Variants in PPL observed in about 807,000 individuals in gnomAD.
PPL encodes 190 kDa paraneoplastic pemphigus antigen.
PPL carries 198 observed loss-of-function variants against 194.4 expected under a neutral mutation model. That is an observed-to-expected ratio of 1.02 (90% CI 0.91 to 1.15). PPL has a LOEUF of 1.15. PPL is among the 50% of genes most tolerant of loss of function. The pLI is 0.00. For synonymous variants in PPL, 1,220 were observed against 972.4 expected (o/e 1.25, Z -4.74); for missense variants, 2,885 against 2,294.8 (o/e 1.26, Z -5.25).
intron 1 of PPL, among the ~76,000 whole-genome samples, chr16:4,928,248 A>C (rs1568062955): frequency 1.3e-5 from 2 of 152,182 alleles, no homozygotes; most frequent in African/African-American, 2.4e-5. Context: ...TCAAACACAA[A>C]ATATATTTTG....
rs571334758 is a variant in PPL at position 4,888,974 on chromosome 16, T to C, written c.2397+4A>G. ...GTGCTTTGGGCGGAAGTTTCCCGGC[T>C]CACCTTTACAGCTTGCTGGTACTGC... On this transcript the variant is annotated splice_donor_region_variant and intron_variant, in intron 19 of 21. Coordinates refer to ENST00000345988, the MANE Select transcript of PPL (RefSeq NM_002705.5). The C allele has an allele frequency of 1.2e-6, 2 of 1,613,004 alleles. No homozygotes were observed. The highest frequency in any genetic ancestry group is 1.1e-5 in the South Asian group (1 of 91,018).
chr16:4,903,943 G>A lies in PPL; in HGVS notation c.260C>T (p.Ala87Val), dbSNP rs140728064. 4.6e-5 allele frequency: 74 copies of A among 1,613,930 alleles called. No homozygotes were observed. The East Asian group carries it at 4.7e-4, about 10-fold the overall frequency. The part of the protein sequence containing the change: ...DSEKLLYVLE[A>V]DAAIAKHMKH... Reference sequence around the variant, plus strand: ...CATGTGCTTGGCAATGGCCGCATCCGCCTCTAGCACATAGAGCAGCTTCTC... The same window carrying A: ...CATGTGCTTGGCAATGGCCGCATCCACCTCTAGCACATAGAGCAGCTTCTC... Residue 87 changes from alanine to valine, a missense_variant, in exon 3 of 22, where the codon GCG becomes GTG. Coordinates refer to ENST00000345988, the MANE Select transcript of PPL (RefSeq NM_002705.5).
chr16:4,883,311 C>T lies in PPL; in HGVS notation c.*73G>A, dbSNP rs978822533. The T allele has an allele frequency of 9.4e-6, 15 of 1,593,704 alleles. No homozygotes were observed. Among genetic ancestry groups the T allele is most frequent in the East Asian group, 4.5e-5 (2 of 44,772 alleles). ...GCCTGCACCAGGGCAAGGGAGAGGA[C>T]GACACCAAGGAGGTCACTGCGTCGT... On this transcript the variant is annotated 3_prime_UTR_variant, in exon 22 of 22. Transcript: ENST00000345988. This position sits in a 1 kb window ranked among gnomAD's most constrained non-coding sequence, Gnocchi z 4.8.
At chr16:4,917,178 ATGCC>A (rs1263184683) in intron 1 of PPL, among the ~76,000 whole-genome samples, 1 of 152,172 alleles carries the variant, frequency 6.6e-6, no homozygotes, top group Non-Finnish European at 1.5e-5. Context: ...AAAAAAATCT[ATGCC>A]TGCACAGAAA....
chr16:4,909,793 A>G (rs1327442559), intron 2 of PPL, among the ~76,000 whole-genome samples: 1 of 152,046 alleles, frequency 6.6e-6, no homozygotes, highest in East Asian at 1.9e-4. Context: ...CACCACTTAC[A>G]CTTGATTTTC....
At position 4,901,054 on chromosome 16, in the gene PPL, C is replaced by T. The variant is rs752178249; in HGVS notation, c.474G>A (p.Leu158=). ...KLNNQSFGTD[L]PLVDHQVEEH... Reference sequence around the variant, plus strand: ...CCTCCACTTGGTGGTCCACCAGCGGCAGGTCAGTCCCAAAGCTCTGGTTGT... The same window carrying T: ...CCTCCACTTGGTGGTCCACCAGCGGTAGGTCAGTCCCAAAGCTCTGGTTGT... The change falls in exon 5 of 22, where the codon CTG becomes CTA. Residue 158 remains leucine, a synonymous_variant. Coordinates refer to ENST00000345988, the MANE Select transcript of PPL (RefSeq NM_002705.5). 3.1e-6 allele frequency: 5 copies of T among 1,614,156 alleles called. No individual in the cohort carries two copies. The highest frequency in any genetic ancestry group is 2.2e-5 in the South Asian group (2 of 91,078).
chr16:4,915,780 G>A (rs1222597401), intron 1 of PPL, among the ~76,000 whole-genome samples: 2 of 152,178 alleles, frequency 1.3e-5, no homozygotes, highest in African/African-American at 4.8e-5. Context: ...CTGAGAGCTG[G>A]GTGTTAGCAT....
intron 1 of PPL, among the ~76,000 whole-genome samples, chr16:4,929,416 C>T (rs1284029136): frequency 2.0e-5 from 3 of 152,054 alleles, no homozygotes; most frequent in Non-Finnish European, 4.4e-5. Context: ...CACGCTGTGC[C>T]CCCCGCCAGC....
At chr16:4,907,322 A>T (rs1445310151) in intron 2 of PPL, among the ~76,000 whole-genome samples, 1 of 24,658 alleles carries the variant, frequency 4.1e-5, no homozygotes, top group African/African-American at 5.6e-5. Context: ...ACACACACAC[A>T]CACACACACA....
chr16:4,891,088 C>A lies in PPL; in HGVS notation c.1969-167G>T, dbSNP rs28581444. Reference sequence around the variant, plus strand: ...ACATCCCAAACCTGGGTCACTTCTGCCATCTTCTGTTTTTTAACAATGAAC... The same window carrying A: ...ACATCCCAAACCTGGGTCACTTCTGACATCTTCTGTTTTTTAACAATGAAC... On this transcript the variant is annotated intron_variant, in intron 16 of 21. Coordinates refer to ENST00000345988, the MANE Select transcript of PPL (RefSeq NM_002705.5). Among the ~76,000 whole-genome samples, 989 of 152,358 alleles carry A rather than the reference C, an allele frequency of 6.5e-3. 8 individuals are homozygous for A. Among genetic ancestry groups the A allele is most frequent in the African/African-American group, 0.023 (943 of 41,576 alleles).
intron 8 of PPL, 131 bp downstream of exon 8, chr16:4,898,882 A>T (rs1276004619): frequency 5.7e-6 from 4 of 696,162 alleles, no homozygotes; most frequent in Non-Finnish European, 1.0e-5. Flanking sequence ...AGCAAGAAAG[A>T]GACAGACAGA....
At position 4,883,509 on chromosome 16, in the gene PPL, C is replaced by T; in HGVS notation, c.5146G>A (p.Gly1716Ser). ...ESSVIHDRKSGKKFSIEEALQ... is the reference protein window; with the variant it reads ...ESSVIHDRKSSKKFSIEEALQ... ...GCCTCTTCGATGGAGAACTTCTTGCCAGACTTCCTGTCGTGTATCACTGAG... is the reference window on the plus strand; with the variant it reads ...GCCTCTTCGATGGAGAACTTCTTGCTAGACTTCCTGTCGTGTATCACTGAG... The change falls in exon 22 of 22, where the codon GGC becomes AGC. Residue 1716 changes from glycine to serine, a missense_variant. Transcript: ENST00000345988. This position sits in a 1 kb window ranked among gnomAD's most constrained non-coding sequence, Gnocchi z 4.8. The T allele has an allele frequency of 1.9e-6, 3 of 1,614,208 alleles. No individual in the cohort carries two copies. Among genetic ancestry groups the T allele is most frequent in the Non-Finnish European group, 2.5e-6 (3 of 1,180,034 alleles).
chr16:4,919,381 G>C (rs925671948), intron 1 of PPL, among the ~76,000 whole-genome samples: 17 of 152,232 alleles, frequency 1.1e-4, no homozygotes, highest in African/African-American at 3.9e-4. Flanking sequence ...CCCTGTGACA[G>C]TGTGACAGAG....
At chr16:4,909,448 A>ATTTTT (rs2088774999) in intron 2 of PPL, among the ~76,000 whole-genome samples, 3 of 74,738 alleles carry the variant, frequency 4.0e-5, no homozygotes, top group African/African-American at 2.5e-4. Context: ...TTTTTTTTTG[A>ATTTTT]GACAGTCTTA....
chr16:4,936,942 G>C (rs1247889309), intron 1 of PPL, 42 bp downstream of exon 1: 1 of 1,562,584 alleles, frequency 6.4e-7, no homozygotes, highest in Admixed American at 1.8e-5. Context: ...GCGCCCACAG[G>C]GGCAAGAGCG....
chr16:4,909,298 G>T (rs537228905), intron 2 of PPL, among the ~76,000 whole-genome samples: 1 of 152,284 alleles, frequency 6.6e-6, no homozygotes, highest in African/African-American at 2.4e-5. Flanking sequence ...TGGGCAACTG[G>T]GCCATCAGGA....
In PPL at chr16:4,899,306, G is replaced by T. The variant is rs1352876367; in HGVS notation, c.685C>A (p.Leu229Met). The T allele has an allele frequency of 6.2e-7, 1 of 1,613,760 alleles. No homozygotes were observed. Among genetic ancestry groups the T allele is most frequent in the South Asian group, 1.1e-5 (1 of 91,082 alleles). The change falls in exon 7 of 22, where the codon CTG (leucine) becomes ATG (methionine). Residue 229 changes from leucine to methionine, a missense_variant. By Grantham distance (15) the Leu-to-Met change is conservative. Transcript: ENST00000345988. ...MQRCTNELYW[L>M]DQQAKGRMQY... Reference sequence around the variant, plus strand: ...ATGCGGCCCTTGGCCTGCTGGTCCAGCCAGTACAGCTCATTGGTGCAGCGC... The same window carrying T: ...ATGCGGCCCTTGGCCTGCTGGTCCATCCAGTACAGCTCATTGGTGCAGCGC...
intron 2 of PPL, among the ~76,000 whole-genome samples, chr16:4,908,015 AG>A (rs991556031): frequency 2.0e-5 from 3 of 151,666 alleles, no homozygotes; most frequent in African/African-American, 7.3e-5. Flanking sequence ...TAAATAAATT[AG>A]CTGGGCGTGG....
intron 3 of PPL, among the ~76,000 whole-genome samples, chr16:4,903,225 CAG>C (rs1188437414): frequency 1.3e-5 from 2 of 152,038 alleles, no homozygotes; most frequent in South Asian, 2.1e-4. Flanking sequence ...AGGCAGGAGT[CAG>C]GGGGGCTGAT....
Sources: allele counts gnomAD v4.1 joint callset (sites outside exome capture counted in the v4.1 genomes callset), GRCh38; gene constraint gnomAD v4.1.1; non-coding constraint Gnocchi (gnomAD v3.1); transcripts MANE v1.5; gene names NCBI Gene and HGNC (gene_info 2026-07-23, HGNC 2026-07-21).